Variants in RFWD3 observed in about 807,000 individuals in gnomAD.
RFWD3 encodes the protein E3 ubiquitin-protein ligase RFWD3.
RFWD3 carries 65 observed loss-of-function variants against 87.7 expected under a neutral mutation model. The observed-to-expected ratio is 0.74, with a 90% confidence interval of 0.61 to 0.91. The LOEUF is 0.91. Among genes scored for constraint, RFWD3 ranks in the 40% least tolerant of loss-of-function variants. The pLI, the probability that RFWD3 is intolerant of heterozygous loss-of-function variation, is 0.00. For synonymous variants in RFWD3, 433 were observed against 352.8 expected (o/e 1.23, Z -2.55); for missense variants, 1,078 against 938.5 (o/e 1.15, Z -1.94).
At position 74,621,694 on chromosome 16, in the gene RFWD3, T is replaced by TG. The variant is rs150095922; in HGVS notation, c.*2233dup. 85,104 of 145,984 alleles carry TG rather than the reference T, an allele frequency of 0.58. 25,475 individuals are homozygous for TG. Among genetic ancestry groups the TG allele is most frequent in the East Asian group, 0.76 (3,764 of 4,974 alleles). 9.0% of individuals were successfully genotyped at this position (145,984 alleles called of 1,614,324 possible). ...TGGGAATGGCATCAGGGTTTTTTTT[T>TG]GTTTGTTTGTTTTTTTTGAGATGGA... On this transcript the variant is annotated 3_prime_UTR_variant, in exon 13 of 13. Coordinates refer to ENST00000361070, the MANE Select transcript of RFWD3 (RefSeq NM_018124.4).
chr16:74,630,962 G>A lies in RFWD3; in HGVS notation c.1578-5C>T. The A allele has an allele frequency of 6.3e-7, 1 of 1,595,742 alleles. No homozygotes were observed. The highest frequency in any genetic ancestry group is 1.1e-5 in the South Asian group (1 of 87,190). On this transcript the variant is annotated splice_region_variant and splice_polypyrimidine_tract_variant and intron_variant, in intron 9 of 12. Transcript: ENST00000361070. The stretch of plus-strand genomic sequence containing the variant: ...ACCACGGTATTTGTCTCCAGGCTGT[G>A]GAGTTACAAAAGACTTTTACAACTG...
At chr16:74,666,034 G>T (rs539620425) in intron 1 of RFWD3, among the ~76,000 whole-genome samples, 1 of 152,058 alleles carries the variant, frequency 6.6e-6, no homozygotes, top group African/African-American at 2.4e-5. Context: ...AGGAAAAAGG[G>T]AGGAAGAGAG....
intron 1 of RFWD3, among the ~76,000 whole-genome samples, chr16:74,662,652 C>G (rs969101066): frequency 6.6e-6 from 1 of 152,188 alleles, no homozygotes; most frequent in African/African-American, 2.4e-5. Flanking sequence ...AGAAGGAAAT[C>G]AGTGCATAGG....
intron 1 of RFWD3, among the ~76,000 whole-genome samples, chr16:74,662,122 C>A (rs1022268066): frequency 4.6e-5 from 7 of 151,592 alleles, no homozygotes; most frequent in African/African-American, 1.5e-4. Context: ...TGAAAACTAC[C>A]ACCTAGTTTT....
chr16:74,631,604 G>A (rs1027669207), intron 9 of RFWD3, among the ~76,000 whole-genome samples: 2 of 152,194 alleles, frequency 1.3e-5, no homozygotes, highest in Non-Finnish European at 2.9e-5. Flanking sequence ...CACAGAGCAT[G>A]TGACAGATAA....
intron 3 of RFWD3, among the ~76,000 whole-genome samples, chr16:74,649,427 A>G (rs571590941): frequency 6.6e-6 from 1 of 152,348 alleles, no homozygotes; most frequent in African/African-American, 2.4e-5. Flanking sequence ...ACAGAACAGT[A>G]TAGTTAAGCC....
intron 2 of RFWD3, among the ~76,000 whole-genome samples, chr16:74,655,308 C>T (rs1412614626): frequency 4.0e-5 from 6 of 151,496 alleles, no homozygotes; most frequent in Admixed American, 2.0e-4. Context: ...GGCGTGATCT[C>T]GGCTCACTGC....
intron 7 of RFWD3, 52 bp from the exon 8 acceptor site, chr16:74,636,629 C>G (rs1172495936): frequency 7.8e-7 from 1 of 1,282,016 alleles, no homozygotes; most frequent in East Asian, 2.5e-5. Context: ...TGATATTCCC[C>G]TCAAATACAA....
At chr16:74,655,251 T>G (rs1257098578) in intron 2 of RFWD3, among the ~76,000 whole-genome samples, 1 of 152,094 alleles carries the variant, frequency 6.6e-6, no homozygotes, top group Non-Finnish European at 1.5e-5. Context: ...CGATGCTCTT[T>G]TTTTTTGAGA....
chr16:74,658,236 C>G (rs1409925785), intron 2 of RFWD3, among the ~76,000 whole-genome samples: 1 of 152,152 alleles, frequency 6.6e-6, no homozygotes, highest in Non-Finnish European at 1.5e-5. Flanking sequence ...GTGTTATTCA[C>G]CAATATATCT....
At chr16:74,645,579 C>T (rs913829368) in intron 4 of RFWD3, among the ~76,000 whole-genome samples, 3 of 152,132 alleles carry the variant, frequency 2.0e-5, no homozygotes, top group South Asian at 4.1e-4. Flanking sequence ...TCCCGAACTC[C>T]TGACCTCAAG....
In RFWD3 at chr16:74,626,518, T is replaced by C. The variant is rs1418327860; in HGVS notation, c.2006A>G (p.Glu669Gly). ...NHTTIRSVLM[E>G]MSYRLDDTGN... ...AGTGTCATCCAGTCGGTAGGACATT[T>C]CCATCAGCACACTTCGTATGGTGGT... Residue 669 changes from glutamate (E) to glycine (G), a missense_variant, in exon 12 of 13, where the codon GAA becomes GGA. Glu to Gly is a moderately conservative substitution (Grantham distance 98). Transcript: ENST00000361070. 1 of 1,614,130 alleles carries C rather than the reference T, an allele frequency of 6.2e-7. No individual in the cohort carries two copies. The highest frequency in any genetic ancestry group is 1.7e-5 in the Admixed American group (1 of 60,008).
intron 1 of RFWD3, among the ~76,000 whole-genome samples, chr16:74,666,060 C>T (rs1161055531): frequency 6.7e-6 from 1 of 148,842 alleles, no homozygotes; most frequent in Non-Finnish European, 1.5e-5. Flanking sequence ...GAGGGAGAGG[C>T]GGAGGGGGAA....
intron 2 of RFWD3, among the ~76,000 whole-genome samples, chr16:74,655,467 T>C (rs1960896898): frequency 6.6e-6 from 1 of 151,508 alleles, no homozygotes; most frequent in Non-Finnish European, 1.5e-5. Context: ...CAGGATGGTC[T>C]CGATCTCCTG....
Position 74,636,501 on chromosome 16 carries a change from C to A in RFWD3, c.1271G>T (p.Cys424Phe). The A allele has an allele frequency of 6.2e-7, 1 of 1,614,020 alleles. No individual in the cohort carries two copies. Among genetic ancestry groups the A allele is most frequent in the Non-Finnish European group, 8.5e-7 (1 of 1,180,028 alleles). The change falls in exon 8 of 13, where the codon TGC (cysteine) becomes TTC (phenylalanine). Residue 424 changes from cysteine (C) to phenylalanine (F), a missense_variant. Transcript: ENST00000361070. ...GTGCTGGCCCTGGCTGGAGGGTGAG[C>A]AGCTCAGGACCCATGCTTGGGAGCC... Reference protein sequence around the residue: ...PRGSQAWVLSCSPSSQGQHKH... With the variant: ...PRGSQAWVLSFSPSSQGQHKH...
At chr16:74,648,549 G>A (rs952673989) in intron 4 of RFWD3, among the ~76,000 whole-genome samples, 28 of 149,604 alleles carry the variant, frequency 1.9e-4, no homozygotes, top group Non-Finnish European at 1.5e-5. Context: ...GAGGTGGGTG[G>A]ATCACAAGGT....
In RFWD3 at chr16:74,652,119, C is replaced by A. The variant is rs777317420; in HGVS notation, c.522G>T (p.Leu174Phe). The A allele has an allele frequency of 2.5e-5, 40 of 1,613,660 alleles. No individual in the cohort carries two copies. The South Asian group carries it at 4.2e-4, about 17-fold the overall frequency. ...GGSQRTDSAR[L>F]RAPLDAYFQV... The stretch of plus-strand genomic sequence containing the variant: ...GAAAGTAAGCATCCAATGGTGCTCT[C>A]AACCTATGTACACAGAAAGACAACG... The change falls in exon 3 of 13, where the codon TTG (leucine) becomes TTT (phenylalanine). Residue 174 changes from leucine to phenylalanine, a missense_variant. Coordinates refer to ENST00000361070, the MANE Select transcript of RFWD3 (RefSeq NM_018124.4).
intron 9 of RFWD3, among the ~76,000 whole-genome samples, chr16:74,631,606 G>C (rs1421771705): frequency 1.3e-5 from 2 of 152,200 alleles, no homozygotes; most frequent in Non-Finnish European, 2.9e-5. Context: ...CAGAGCATGT[G>C]ACAGATAAAA....
intron 6 of RFWD3, among the ~76,000 whole-genome samples, chr16:74,642,408 G>C (rs1214750305): frequency 6.6e-6 from 1 of 152,100 alleles, no homozygotes; most frequent in African/African-American, 2.4e-5. Flanking sequence ...TCAGGTGTGA[G>C]CCACTGTGCC....
Sources: allele counts gnomAD v4.1 joint callset (sites outside exome capture counted in the v4.1 genomes callset), GRCh38; gene constraint gnomAD v4.1.1; transcripts MANE v1.5; gene names NCBI Gene and HGNC (gene_info 2026-07-23, HGNC 2026-07-21).